SPOCK3: variants seen among roughly 807,000 people sequenced by gnomAD.
The protein encoded by SPOCK3 is testican-3.
Under a neutral mutation model 56.6 loss-of-function variants are expected in SPOCK3, and 30 were observed. That is an observed-to-expected ratio of 0.53 (90% CI 0.40 to 0.72). SPOCK3 has a LOEUF of 0.72. Among genes scored for constraint, SPOCK3 ranks in the 30% least tolerant of loss-of-function variants. SPOCK3 has a pLI of 0.00. For synonymous variants in SPOCK3, 196 were observed against 183.3 expected, an observed-to-expected ratio of 1.07 and a Z score of -0.56; for missense variants, 527 against 530.0, an observed-to-expected ratio of 0.99 and a Z score of 0.06.
At chr4:166,780,478 A>C in intron 7 of SPOCK3, among the ~76,000 whole-genome samples, 1 of 152,176 alleles carries the variant, frequency 6.6e-6, no homozygotes, top group East Asian at 1.9e-4. Flanking sequence ...GCTGTGGGAA[A>C]GGTATGAACT....
intron 3 of SPOCK3, among the ~76,000 whole-genome samples, chr4:167,032,886 G>A (rs762648092): frequency 5.9e-5 from 9 of 151,910 alleles, no homozygotes; most frequent in Non-Finnish European, 1.0e-4. Context: ...ATGAGACAAT[G>A]AGTACTGGTT....
intron 7 of SPOCK3, among the ~76,000 whole-genome samples, chr4:166,780,797 C>T (rs1293937947): frequency 1.3e-5 from 2 of 152,120 alleles, no homozygotes; most frequent in Admixed American, 1.3e-4. Context: ...ACTACCAGAG[C>T]AGCAAATGTT....
At chr4:167,209,771 A>G (rs1308025579) in intron 2 of SPOCK3, among the ~76,000 whole-genome samples, 1 of 152,180 alleles carries the variant, frequency 6.6e-6, no homozygotes, top group Non-Finnish European at 1.5e-5. Context: ...ACACTCAGAC[A>G]GTTACAATAT....
intron 2 of SPOCK3, among the ~76,000 whole-genome samples, chr4:167,168,995 A>T (rs1459694707): frequency 6.6e-6 from 1 of 152,206 alleles, no homozygotes; most frequent in African/African-American, 2.4e-5. Context: ...AAGCCTTGGC[A>T]GCTTCCATGA....
At chr4:167,129,772 A>G (rs867060054) in intron 2 of SPOCK3, among the ~76,000 whole-genome samples, 5 of 152,266 alleles carry the variant, frequency 3.3e-5, no homozygotes, top group Middle Eastern at 3.4e-3. Flanking sequence ...TAAAAAATAA[A>G]ATATAAATTT....
At chr4:167,014,992 T>G (rs1249816766) in intron 3 of SPOCK3, among the ~76,000 whole-genome samples, 1 of 151,912 alleles carries the variant, frequency 6.6e-6, no homozygotes, top group East Asian at 1.9e-4. Flanking sequence ...TTTTGTAATA[T>G]AAGAATATTA....
chr4:166,875,443 G>A (rs1304967456), intron 6 of SPOCK3, among the ~76,000 whole-genome samples: 1 of 152,014 alleles, frequency 6.6e-6, no homozygotes, highest in East Asian at 1.9e-4. Context: ...GAAGACAAAT[G>A]ATCAAAGCGT....
At chr4:167,045,688 C>T (rs1327354195) in intron 3 of SPOCK3, among the ~76,000 whole-genome samples, 4 of 152,000 alleles carry the variant, frequency 2.6e-5, no homozygotes, top group African/African-American at 9.7e-5. Flanking sequence ...AGTGCAAGTA[C>T]CTTACAATAA....
rs1007642928 is a variant in SPOCK3, at chr4:167,088,408, G to A, written c.190-25871C>T. On this transcript the variant is annotated intron_variant, in intron 2 of 10. Coordinates refer to ENST00000357545, the MANE Select transcript of SPOCK3 (RefSeq NM_001040159.2). Reference sequence around the variant, plus strand: ...GGCCACCAGTCTTGAATTACTTTCTGTTTCCAAACATGGAGAAAGTGTAGG... The same window carrying A: ...GGCCACCAGTCTTGAATTACTTTCTATTTCCAAACATGGAGAAAGTGTAGG... Among the ~76,000 whole-genome samples, 4 of 148,342 alleles carry A rather than the reference G, an allele frequency of 2.7e-5. No homozygotes were observed. The Admixed American group carries it at 2.7e-4, about 10-fold the overall frequency.
intron 4 of SPOCK3, among the ~76,000 whole-genome samples, chr4:166,998,401 C>CT (rs1748611313): frequency 1.3e-5 from 2 of 152,002 alleles, no homozygotes; most frequent in African/African-American, 4.8e-5. Flanking sequence ...TTCTGATAGT[C>CT]TTTATCATGT....
intron 2 of SPOCK3, among the ~76,000 whole-genome samples, chr4:167,204,185 C>G (rs993756924): frequency 3.3e-5 from 5 of 151,958 alleles, no homozygotes; most frequent in Admixed American, 6.6e-5. Flanking sequence ...TTCCCAATGG[C>G]TGGAATATAG....
chr4:166,843,818 C>T lies in SPOCK3; in HGVS notation c.589+45312G>A, dbSNP rs189588551. 1.4e-3 allele frequency among the ~76,000 whole-genome samples: 209 copies of T among 152,276 alleles called. 3 individuals carry two copies. The highest frequency in any genetic ancestry group is 7.5e-4 in the Non-Finnish European group (51 of 68,022). ...AGTTTGGCAATGTAACTTCCTTTGT[C>T]AATGGGATGTTGCCAAAGGTGACAT... On this transcript the variant is annotated intron_variant, in intron 6 of 10. Transcript: ENST00000357545.
intron 4 of SPOCK3, among the ~76,000 whole-genome samples, chr4:166,996,633 A>T (rs1748412391): frequency 6.6e-6 from 1 of 152,148 alleles, no homozygotes; most frequent in Non-Finnish European, 1.5e-5. Context: ...TTAACTGGTA[A>T]TGATAAAGGT....
intron 2 of SPOCK3, among the ~76,000 whole-genome samples, chr4:167,199,466 C>A (rs1198777643): frequency 6.6e-6 from 1 of 151,916 alleles, no homozygotes; most frequent in Non-Finnish European, 1.5e-5. Context: ...CAAAGACTGG[C>A]CCCTTGCCTC....
At chr4:166,865,808 A>G (rs899235183) in intron 6 of SPOCK3, among the ~76,000 whole-genome samples, 27 of 152,198 alleles carry the variant, frequency 1.8e-4, no homozygotes, top group African/African-American at 6.0e-4. Flanking sequence ...AAAACATTCC[A>G]TGCTCATGGA....
intron 2 of SPOCK3, among the ~76,000 whole-genome samples, chr4:167,100,373 T>C (rs1252653543): frequency 6.6e-6 from 1 of 151,902 alleles, no homozygotes; most frequent in African/African-American, 2.4e-5. Context: ...CCTGAAGGTA[T>C]CTCTTCCACT....
intron 3 of SPOCK3, among the ~76,000 whole-genome samples, chr4:167,059,760 C>A (rs1273444906): frequency 6.6e-6 from 1 of 152,050 alleles, no homozygotes; most frequent in African/African-American, 2.4e-5. Flanking sequence ...CCCAAATGTC[C>A]AACAATGATA....
chr4:166,836,321 A>G (rs542966456), intron 6 of SPOCK3, among the ~76,000 whole-genome samples: 5 of 152,344 alleles, frequency 3.3e-5, no homozygotes, highest in African/African-American at 1.2e-4. Flanking sequence ...ACACGATTTT[A>G]TCATTTTTTT....
intron 3 of SPOCK3, among the ~76,000 whole-genome samples, chr4:167,010,409 C>T (rs999052601): frequency 2.7e-5 from 4 of 150,904 alleles, no homozygotes; most frequent in Non-Finnish European, 5.9e-5. Flanking sequence ...GTCCCAGCTA[C>T]TCAGAAAGCT....
Sources: gnomAD v4.1 joint callset for allele counts (sites outside exome capture counted in the v4.1 genomes callset) on GRCh38, gnomAD v4.1.1 for gene constraint, MANE v1.5 for transcripts, NCBI Gene and HGNC (gene_info 2026-07-23, HGNC 2026-07-21) for gene names.